Variants in TENM3 observed in about 807,000 individuals in gnomAD.
TENM3 encodes the protein teneurin transmembrane protein 3.
TENM3 carries 63 observed loss-of-function variants against 255.1 expected under a neutral mutation model. The observed-to-expected ratio is 0.25, with a 90% CI of 0.20 to 0.30. TENM3 has a LOEUF of 0.30. Ranked by LOEUF, TENM3 falls within the 10% of genes least tolerant of loss-of-function variation. The pLI, the probability that TENM3 is intolerant of heterozygous loss-of-function variation, is 1.00. For synonymous variants in TENM3, 1,306 were observed against 1,322.3 expected (o/e 0.99, Z 0.27); for missense variants, 2,929 against 3,461.1 (o/e 0.85, Z 3.86).
At chr4:182,334,042 A>G (rs927707546) in intron 2 of TENM3, among the ~76,000 whole-genome samples, 1 of 152,168 alleles carries the variant, frequency 6.6e-6, no homozygotes, top group African/African-American at 2.4e-5. Context: ...TAATTTCTCT[A>G]TGCCTCCATT....
the TENM3 span, among the ~76,000 whole-genome samples, chr4:181,516,554 G>A: frequency 6.6e-6 from 1 of 152,034 alleles, no homozygotes; most frequent in African/African-American, 2.4e-5. Flanking sequence ...GCCGAGGCGG[G>A]CAGATCACCT....
the TENM3 span, among the ~76,000 whole-genome samples, chr4:182,103,756 T>A: frequency 6.6e-6 from 1 of 152,224 alleles, no homozygotes; most frequent in Non-Finnish European, 1.5e-5. Context: ...GTTGTGCCAT[T>A]ATAATAATGG....
the TENM3 span, among the ~76,000 whole-genome samples, chr4:181,579,804 G>A: frequency 6.6e-6 from 1 of 152,170 alleles, no homozygotes; most frequent in African/African-American, 2.4e-5. Flanking sequence ...GAAGAGACTA[G>A]GTTCATCAAG....
the TENM3 span, among the ~76,000 whole-genome samples, chr4:181,924,079 T>C: frequency 6.6e-6 from 1 of 152,248 alleles, no homozygotes; most frequent in Non-Finnish European, 1.5e-5. Flanking sequence ...TTTCTCAGGG[T>C]CATGTTTGCA....
At chr4:182,378,348 C>T (rs1037302096) in intron 3 of TENM3, among the ~76,000 whole-genome samples, 20 of 152,172 alleles carry the variant, frequency 1.3e-4, no homozygotes, top group Admixed American at 2.6e-4. Flanking sequence ...AGACAGACCT[C>T]GCACAAGTGA....
At chr4:182,007,538 A>G in the TENM3 span, among the ~76,000 whole-genome samples, 1 of 152,022 alleles carries the variant, frequency 6.6e-6, no homozygotes, top group Non-Finnish European at 1.5e-5. Context: ...AGGGACTAGG[A>G]TTGCAACCCC....
chr4:182,017,994 A>G, the TENM3 span, among the ~76,000 whole-genome samples: 1 of 152,192 alleles, frequency 6.6e-6, no homozygotes, highest in Non-Finnish European at 1.5e-5. Context: ...ACCACAGGAA[A>G]TTTATGGTGA....
chr4:182,108,068 C>T, the TENM3 span, among the ~76,000 whole-genome samples: 63 of 152,114 alleles, frequency 4.1e-4, 1 homozygote, highest in Non-Finnish European at 6.6e-4. Context: ...TCACGGGCTC[C>T]GTTCACCCCT....
At chr4:181,517,500 C>G in the TENM3 span, among the ~76,000 whole-genome samples, 1 of 152,172 alleles carries the variant, frequency 6.6e-6, no homozygotes, top group Admixed American at 6.5e-5. Context: ...CTGCAAAATG[C>G]TTTTGTTACC....
chr4:181,958,806 G>T, the TENM3 span, among the ~76,000 whole-genome samples: 6 of 152,080 alleles, frequency 3.9e-5, no homozygotes, highest in Admixed American at 3.9e-4. Context: ...CATATTCTCA[G>T]AATCTAGCAG....
rs767053322 is a variant in TENM3 at position 182,789,345 on chromosome 4, G to A, written c.5557G>A (p.Val1853Ile). 10 of 1,613,670 alleles carry A rather than the reference G, an allele frequency of 6.2e-6. No individual in the cohort carries two copies. The Admixed American group carries it at 6.7e-5, about 11-fold the overall frequency. The change falls in exon 25 of 28, where the codon GTC becomes ATC. Residue 1853 changes from valine to isoleucine, a missense_variant. Coordinates refer to ENST00000511685, the MANE Select transcript of TENM3 (RefSeq NM_001080477.4). The surrounding 1 kb of genome is among the most constrained non-coding windows in gnomAD (Gnocchi z 4.4). ...CGGACAGGGGAGGATCGTGTCTCGGGTCTTTGCTGATGGTAAAACATGGAG... is the reference window on the plus strand; with the variant it reads ...CGGACAGGGGAGGATCGTGTCTCGGATCTTTGCTGATGGTAAAACATGGAG... ...YDGQGRIVSR[V>I]FADGKTWSYT... is the part of the protein sequence containing the mutation.
the TENM3 span, among the ~76,000 whole-genome samples, chr4:181,639,869 C>T: frequency 6.6e-6 from 1 of 152,208 alleles, no homozygotes; most frequent in Non-Finnish European, 1.5e-5. Flanking sequence ...TGAACTCCTG[C>T]CAGTAAGGCT....
At chr4:181,679,969 G>A in the TENM3 span, among the ~76,000 whole-genome samples, 2 of 152,032 alleles carry the variant, frequency 1.3e-5, no homozygotes, top group Non-Finnish European at 2.9e-5. Context: ...AATTTTACCT[G>A]GCAAATTGCT....
the TENM3 span, among the ~76,000 whole-genome samples, chr4:181,811,780 C>G: frequency 6.6e-6 from 1 of 152,320 alleles, no homozygotes; most frequent in Middle Eastern, 3.4e-3. Context: ...ATTACCTCCA[C>G]CTGGCCCTGT....
intron 3 of TENM3, among the ~76,000 whole-genome samples, chr4:182,419,219 T>G (rs1485370246): frequency 6.6e-6 from 1 of 152,174 alleles, no homozygotes; most frequent in Non-Finnish European, 1.5e-5. Context: ...CTGTTATTTC[T>G]GACACTTCTC....
chr4:182,775,303 G>C, intron 24 of TENM3, 150 bp downstream of exon 24: 1 of 719,632 alleles, frequency 1.4e-6, no homozygotes, highest in Non-Finnish European at 2.3e-6. Context: ...ACATGGGCCT[G>C]TTCTGGCAGG....
the TENM3 span, among the ~76,000 whole-genome samples, chr4:181,883,368 A>G: frequency 1.8e-4 from 27 of 152,240 alleles, no homozygotes; most frequent in African/African-American, 5.5e-4. Context: ...AAACTTAATG[A>G]GTATACCCAT....
At chr4:181,805,625 T>C in the TENM3 span, among the ~76,000 whole-genome samples, 1 of 149,810 alleles carries the variant, frequency 6.7e-6, no homozygotes, top group Non-Finnish European at 1.5e-5. Context: ...TGTGTGTGTG[T>C]ATCTCCCAAC....
intron 3 of TENM3, among the ~76,000 whole-genome samples, chr4:182,376,134 G>A (rs1453288574): frequency 6.6e-6 from 1 of 152,156 alleles, no homozygotes; most frequent in Non-Finnish European, 1.5e-5. Flanking sequence ...CATAATTTAT[G>A]TTAAGAATTG....
Sources: gnomAD v4.1 joint callset for allele counts (sites outside exome capture counted in the v4.1 genomes callset) on GRCh38, gnomAD v4.1.1 for gene constraint, Gnocchi (gnomAD v3.1) non-coding constraint, MANE v1.5 for transcripts, NCBI Gene and HGNC (gene_info 2026-07-23, HGNC 2026-07-21) for gene names.